Variants in PKHD1L1 observed in about 807,000 individuals in gnomAD.
The protein encoded by PKHD1L1 is PKHD1 like 1.
In PKHD1L1, 434 loss-of-function variants were observed where a neutral mutation model predicts 462.9. The observed-to-expected ratio is 0.94, with a 90% CI of 0.87 to 1.02. The LOEUF (loss-of-function observed/expected upper bound fraction) is 1.02. PKHD1L1 is among the 50% of genes least tolerant of loss of function. The pLI is 0.00. For synonymous variants in PKHD1L1, 1,781 were observed against 1,750.0 expected (o/e 1.02, Z -0.44); for missense variants, 5,202 against 5,096.1 (o/e 1.02, Z -0.63).
At chr8:109,390,588 T>G in intron 9 of PKHD1L1, 94 bp downstream of exon 9, 22 of 656,816 alleles carry the variant, frequency 3.3e-5, no homozygotes, top group Non-Finnish European at 4.4e-5. Flanking sequence ...ATGCAGAGGT[T>G]TAAAAATTAA....
At chr8:109,486,089 T>C (rs1404287317) in intron 58 of PKHD1L1, among the ~76,000 whole-genome samples, 1 of 151,962 alleles carries the variant, frequency 6.6e-6, no homozygotes, top group Non-Finnish European at 1.5e-5. Flanking sequence ...CTAGGTTATG[T>C]TTTACAAATT....
At chr8:109,476,447 A>T in intron 51 of PKHD1L1, 61 bp from the exon 52 acceptor site, 3 of 1,136,862 alleles carry the variant, frequency 2.6e-6, no homozygotes, top group Non-Finnish European at 3.6e-6. Context: ...TGTCATTAAA[A>T]TTAATGTGTT....
At chr8:109,463,622 T>C (rs917788372) in intron 48 of PKHD1L1, among the ~76,000 whole-genome samples, 1 of 152,138 alleles carries the variant, frequency 6.6e-6, no homozygotes. Context: ...TATTAAATCA[T>C]AGACCATTTG....
In PKHD1L1 at chr8:109,464,496, A is replaced by G. The variant is rs1817314620; in HGVS notation, c.7664A>G (p.Asp2555Gly). Residue 2555 changes from aspartate to glycine, a missense_variant, in exon 49 of 78, where the codon GAT becomes GGT. This residue lies in a region of PKHD1L1 where 4,497 missense variants were observed against 4,336.8 expected (regional missense o/e 1.04). Transcript: ENST00000378402. The part of the protein sequence containing the change: ...FVQQSTSLLN[D>G]DVTPAAFWVT... ...CAGCAAAGTACCAGTCTTCTGAATGATGATGTGACCCCGGCTGCATTTTGG... is the reference window on the plus strand; with the variant it reads ...CAGCAAAGTACCAGTCTTCTGAATGGTGATGTGACCCCGGCTGCATTTTGG... 6.2e-7 allele frequency: 1 copy of G among 1,613,660 alleles called. No homozygotes were observed. Among genetic ancestry groups the G allele is most frequent in the African/African-American group, 1.3e-5 (1 of 74,900 alleles).
intron 17 of PKHD1L1, 48 bp from the exon 18 acceptor site, chr8:109,408,001 C>G: frequency 7.4e-7 from 1 of 1,358,248 alleles, no homozygotes; most frequent in African/African-American, 1.5e-5. Flanking sequence ...TATATATAGG[C>G]ATTTTATTAG....
intron 67 of PKHD1L1, among the ~76,000 whole-genome samples, chr8:109,501,139 C>T (rs566927364): frequency 2.0e-5 from 3 of 150,810 alleles, no homozygotes; most frequent in South Asian, 4.2e-4. Context: ...CCATATAATG[C>T]CCTTTGTTTT....
At chr8:109,383,116 TAA>T (rs1390957938) in intron 4 of PKHD1L1, among the ~76,000 whole-genome samples, 2 of 106,830 alleles carry the variant, frequency 1.9e-5, no homozygotes, top group African/African-American at 7.4e-5. Context: ...TAGTTATATA[TAA>T]TATATAGTTA....
chr8:109,383,150 TATATATTTATATATAA>T (rs1812224642), intron 4 of PKHD1L1, among the ~76,000 whole-genome samples: 1 of 64,306 alleles, frequency 1.6e-5, no homozygotes, highest in South Asian at 6.1e-4. Context: ...GTATATATTA[TATATATTTATATATAA>T]TATATACAAT....
chr8:109,435,084 G>C (rs569440620), intron 28 of PKHD1L1, 106 bp from the exon 29 acceptor site: 4 of 1,168,292 alleles, frequency 3.4e-6, no homozygotes, highest in Non-Finnish European at 4.8e-6. Context: ...GATATACTTC[G>C]TGAGATCTAA....
At chr8:109,484,306 T>G (rs1265852324) in intron 57 of PKHD1L1, among the ~76,000 whole-genome samples, 1 of 151,940 alleles carries the variant, frequency 6.6e-6, no homozygotes, top group Non-Finnish European at 1.5e-5. Context: ...CAGAGTAATA[T>G]TTAACCAAGT....
chr8:109,380,835 T>TTG (rs1369169641), intron 2 of PKHD1L1, among the ~76,000 whole-genome samples: 1 of 152,172 alleles, frequency 6.6e-6, no homozygotes, highest in African/African-American at 2.4e-5. Context: ...TGTAGAAACT[T>TTG]GAAACAAAGA....
chr8:109,489,747 C>T (rs912800862), intron 59 of PKHD1L1, among the ~76,000 whole-genome samples: 1 of 151,540 alleles, frequency 6.6e-6, no homozygotes, highest in Non-Finnish European at 1.5e-5. Flanking sequence ...CGGGAGAGTG[C>T]AGGCTATTAG....
chr8:109,475,682 C>CA lies in PKHD1L1; in HGVS notation c.8757+426dup, dbSNP rs57539802. Among the ~76,000 whole-genome samples, 1,132 of 134,548 alleles carry CA rather than the reference C, an allele frequency of 8.4e-3. 2 individuals are homozygous for CA. Among genetic ancestry groups the CA allele is most frequent in the Middle Eastern group, 0.011 (3 of 270 alleles). 88.3% of individuals were successfully genotyped at this position (134,548 alleles called of 152,430 possible). A position where few individuals can be genotyped will look rare whatever the true frequency, so the allele number is the denominator to read the frequency against. On this transcript the variant is annotated intron_variant, in intron 51 of 77. Coordinates refer to ENST00000378402, the MANE Select transcript of PKHD1L1 (RefSeq NM_177531.6). ...AGAAACCTCGTCTCTATTAAAAATA[C>CA]AAAAAAAAAAAAAGATTAGCCGGGT...
At chr8:109,394,597 T>A in intron 10 of PKHD1L1, 112 bp downstream of exon 10, 3 of 654,382 alleles carry the variant, frequency 4.6e-6, no homozygotes, top group Non-Finnish European at 6.8e-6. Flanking sequence ...TTTGATGTAC[T>A]GCTAGGAAAG....
chr8:109,517,630 GC>G (rs201805006), intron 72 of PKHD1L1, among the ~76,000 whole-genome samples: 2,255 of 152,176 alleles, frequency 0.015, 28 homozygotes, highest in Middle Eastern at 0.051. Context: ...TGAAATGTAA[GC>G]CTGTTTAGTT....
chr8:109,383,431 A>G (rs1265317702), intron 4 of PKHD1L1, among the ~76,000 whole-genome samples: 1 of 122,852 alleles, frequency 8.1e-6, no homozygotes, highest in Non-Finnish European at 1.6e-5. Context: ...TATAATATAT[A>G]ATATATAAAT....
At chr8:109,518,982 G>A (rs1192345942) in intron 73 of PKHD1L1, among the ~76,000 whole-genome samples, 1 of 152,124 alleles carries the variant, frequency 6.6e-6, no homozygotes, top group Non-Finnish European at 1.5e-5. Context: ...GGGGTAGACA[G>A]GTGCTAGATG....
At chr8:109,433,968 T>C (rs923277655) in intron 28 of PKHD1L1, among the ~76,000 whole-genome samples, 2 of 152,140 alleles carry the variant, frequency 1.3e-5, no homozygotes, top group Admixed American at 1.3e-4. Context: ...TGCAGGGACA[T>C]GGATGAAGCT....
chr8:109,414,614 C>G (rs1024052392), intron 21 of PKHD1L1, among the ~76,000 whole-genome samples: 13 of 151,862 alleles, frequency 8.6e-5, no homozygotes, highest in Admixed American at 1.3e-4. Context: ...ATATGGAGAG[C>G]ATTATTCTAT....
Sources: gnomAD v4.1 joint callset for allele counts (sites outside exome capture counted in the v4.1 genomes callset) on GRCh38, gnomAD v4.1.1 for gene constraint, gnomAD v4.1.1 regional missense constraint, MANE v1.5 for transcripts, NCBI Gene and HGNC (gene_info 2026-07-23, HGNC 2026-07-21) for gene names.